Variants in MACF1 observed in about 807,000 individuals in gnomAD.
MACF1 encodes the protein microtubule-actin cross-linking factor 1.
A neutral mutation model predicts 854.8 loss-of-function variants in MACF1; 193 were observed. The ratio of observed to expected loss-of-function variants is 0.23; its 90% confidence interval spans 0.20 to 0.25. The LOEUF (loss-of-function observed/expected upper bound fraction) is 0.25, where lower values mean the gene tolerates loss of function less well. Ranked by LOEUF, MACF1 falls within the 10% of genes least tolerant of loss-of-function variation. The pLI is 1.00. For missense variants in MACF1, 7,722 were observed against 8,929.1 expected (o/e 0.86, Z 5.45); for synonymous variants, 3,185 against 3,226.7 (o/e 0.99, Z 0.44).
intron 16 of MACF1, 48 bp from the exon 17 acceptor site, chr1:39,292,718 T>A (rs1645817902): frequency 6.8e-6 from 9 of 1,327,646 alleles, no homozygotes; most frequent in Non-Finnish European, 9.6e-6. Flanking sequence ...ACACGTAGTT[T>A]ACTTACTCTT....
chr1:39,368,344 G>T lies in MACF1; in HGVS notation c.12938+30G>T, dbSNP rs748946275. The T allele has an allele frequency of 2.5e-6, 4 of 1,589,924 alleles. No individual in the cohort carries two copies. The Admixed American group carries it at 5.1e-5, about 20-fold the overall frequency. On this transcript the variant is annotated intron_variant, in intron 50 of 100. Transcript: ENST00000564288. ...GTTATCACTTGTGTTGGTCAGCATT[G>T]GGGAACTATTTTTTCTTGTTATGGA...
chr1:39,458,775 T>G (rs192221481), intron 90 of MACF1: 43 of 500,328 alleles, frequency 8.6e-5, no homozygotes, highest in Admixed American at 3.7e-4. Context: ...TACATTTGGC[T>G]TGTACTAATT....
intron 1 of MACF1, among the ~76,000 whole-genome samples, chr1:39,211,702 A>G (rs60741748): frequency 6.6e-6 from 1 of 152,060 alleles, no homozygotes; most frequent in African/African-American, 2.4e-5. Flanking sequence ...CCAAGATGGT[A>G]AAACCCTGTC....
chr1:39,285,617 T>A lies in MACF1; in HGVS notation c.1367T>A (p.Leu456Gln), dbSNP rs78563508. Residue 456 changes from leucine to glutamine, a missense_variant, in exon 14 of 101, where the codon CTG becomes CAG. Leu to Gln is a moderately radical substitution (Grantham distance 113). Around this residue, in one of 15 missense-constraint regions of MACF1, gnomAD observed 1,137 missense variants for 1,263.0 expected, o/e 0.90. Coordinates refer to ENST00000564288, the MANE Select transcript of MACF1 (RefSeq NM_001394062.1). ...KNTLQADAAH[L>Q]ESGQPVQCES... ...TTCCTGTCTCAGGATGCTGCTCACC[T>A]GGAATCAGGACAACCGGTACAATGT... The A allele has an allele frequency of 6.2e-7, 1 of 1,613,682 alleles. No homozygotes were observed. The highest frequency in any genetic ancestry group is 1.3e-5 in the African/African-American group (1 of 74,888).
At chr1:39,473,470 A>T (rs1644815938) in intron 97 of MACF1, among the ~76,000 whole-genome samples, 1 of 152,210 alleles carries the variant, frequency 6.6e-6, no homozygotes, top group South Asian at 2.1e-4. Context: ...GTTGGCAGTC[A>T]CAAATTTAAC....
intron 58 of MACF1, chr1:39,411,500 A>G (rs1643003872): frequency 1.2e-6 from 2 of 1,613,542 alleles, no homozygotes; most frequent in Non-Finnish European, 1.7e-6. Context: ...ACTGTTCCCA[A>G]GGATATACCC....
intron 21 of MACF1, among the ~76,000 whole-genome samples, chr1:39,299,057 T>G (rs1360174617): frequency 6.6e-6 from 1 of 152,146 alleles, no homozygotes; most frequent in Non-Finnish European, 1.5e-5. Context: ...TTTACCACGC[T>G]GAGCACTTGG....
intron 1 of MACF1, among the ~76,000 whole-genome samples, chr1:39,225,241 G>C (rs1301937383): frequency 8.7e-6 from 1 of 114,462 alleles, no homozygotes; most frequent in Non-Finnish European, 1.8e-5. Flanking sequence ...ACGGAGTCTC[G>C]CTCTGTCGCC....
At chr1:39,352,148 G>A (rs1647202865) in intron 43 of MACF1, among the ~76,000 whole-genome samples, 1 of 152,006 alleles carries the variant, frequency 6.6e-6, no homozygotes, top group African/African-American at 2.4e-5. Context: ...ACATGGAAAA[G>A]AAAAATAAAT....
intron 31 of MACF1, among the ~76,000 whole-genome samples, chr1:39,322,044 A>C (rs1228162650): frequency 1.1e-4 from 16 of 152,200 alleles, no homozygotes; most frequent in Admixed American, 1.0e-3. Context: ...TTGCAGAGGA[A>C]GTGGCAGAAT....
intron 2 of MACF1, among the ~76,000 whole-genome samples, chr1:39,109,396 A>C (rs971680710): frequency 1.3e-5 from 2 of 152,080 alleles, no homozygotes; most frequent in Non-Finnish European, 2.9e-5. Flanking sequence ...CAGCCTCCTG[A>C]ATAGCTGGGA....
At chr1:39,319,878 T>A (rs539503687) in intron 31 of MACF1, 131 bp downstream of exon 31, 87 of 615,092 alleles carry the variant, frequency 1.4e-4, no homozygotes, top group Admixed American at 8.2e-4. Context: ...GATCCTTCAG[T>A]TAAGCAGATG....
At position 39,340,487 on chromosome 1, in the gene MACF1, A is replaced by G. The variant is rs1646913585; in HGVS notation, c.10216-15A>G. The G allele has an allele frequency of 1.9e-6, 3 of 1,592,200 alleles. No individual in the cohort carries two copies. The African/African-American group carries it at 4.0e-5, about 21-fold the overall frequency. ...TAGTCTTGCTTTTATAGGTAACTCC[A>G]CTTTATTCCCTCAGGTATTAGAAAG... On this transcript the variant is annotated splice_polypyrimidine_tract_variant and intron_variant, in intron 38 of 100. Coordinates refer to ENST00000564288, the MANE Select transcript of MACF1 (RefSeq NM_001394062.1).
At chr1:39,469,645 C>T (rs1437210356) in intron 97 of MACF1, 30 bp downstream of exon 97, 10 of 1,506,786 alleles carry the variant, frequency 6.6e-6, no homozygotes, top group South Asian at 3.6e-5. Flanking sequence ...CCCTCTTCCT[C>T]ACACCCTAGC....
At chr1:39,160,066 A>G (rs958105701) in intron 2 of MACF1, among the ~76,000 whole-genome samples, 1 of 152,154 alleles carries the variant, frequency 6.6e-6, no homozygotes, top group Non-Finnish European at 1.5e-5. Context: ...CGTAATCCCA[A>G]CACTTTGGGA....
At chr1:39,108,393 T>C (rs1297957633) in intron 2 of MACF1, among the ~76,000 whole-genome samples, 1 of 151,878 alleles carries the variant, frequency 6.6e-6, no homozygotes, top group Non-Finnish European at 1.5e-5. Context: ...TGCAAACAAG[T>C]AGTTGTCATA....
intron 47 of MACF1, among the ~76,000 whole-genome samples, chr1:39,360,012 A>AAT (rs1188839648): frequency 0.024 from 691 of 28,604 alleles, 8 homozygotes; most frequent in Non-Finnish European, 0.032. Flanking sequence ...AAAAAAAAAA[A>AAT]ATATATATAT....
chr1:39,202,241 C>T (rs972577418), upstream of MACF1, among the ~76,000 whole-genome samples: 3 of 150,014 alleles, frequency 2.0e-5, no homozygotes, highest in Middle Eastern at 3.2e-3. Flanking sequence ...GCTGGGATTA[C>T]AGGCGTGAGC....
In MACF1 at chr1:39,458,481, A is replaced by G; in HGVS notation, c.21187A>G (p.Ser7063Gly). Residue 7063 changes from serine (S) to glycine (G), a missense_variant, in exon 90 of 101, where the codon AGC (serine) becomes GGC (glycine). By Grantham distance (56) the Ser-to-Gly change is moderately conservative. Coordinates refer to ENST00000564288, the MANE Select transcript of MACF1 (RefSeq NM_001394062.1). ...THAPFIEKSR[S>G]GGRKSLSQPT... ...CGCGCCTTTCATAGAGAAATCCCGCAGCGGAGGCAGTATGTTTCCAGCCCC... is the reference window on the plus strand; with the variant it reads ...CGCGCCTTTCATAGAGAAATCCCGCGGCGGAGGCAGTATGTTTCCAGCCCC... The G allele has an allele frequency of 3.1e-6, 5 of 1,613,554 alleles. No individual in the cohort carries two copies. The highest frequency in any genetic ancestry group is 1.1e-5 in the South Asian group (1 of 91,022).
Sources: allele counts gnomAD v4.1 joint callset (sites outside exome capture counted in the v4.1 genomes callset), GRCh38; gene constraint gnomAD v4.1.1; regional missense constraint gnomAD v4.1.1; transcripts MANE v1.5; gene names NCBI Gene and HGNC (gene_info 2026-07-23, HGNC 2026-07-21).